The following GBP6 variants were observed in gnomAD, a reference collection of about 807,000 sequenced individuals.
The protein encoded by GBP6 is guanylate binding protein family member 6, also known as guanylate-binding protein 6.
A neutral mutation model predicts 61.5 loss-of-function variants in GBP6; 54 were observed. The ratio of observed to expected loss-of-function variants is 0.88; its 90% confidence interval spans 0.71 to 1.10. GBP6 has a LOEUF of 1.10. Ranked by LOEUF, GBP6 falls within the 50% of genes least tolerant of loss-of-function variation. GBP6 has a pLI of 0.00. For synonymous variants in GBP6, 255 were observed against 273.7 expected, an observed-to-expected ratio of 0.93 and a Z score of 0.67; for missense variants, 748 against 752.8, an observed-to-expected ratio of 0.99 and a Z score of 0.07.
Position 89,380,453 on chromosome 1 carries a change from GA to G in GBP6, c.695del (p.Lys232SerfsTer15). On this transcript the variant is annotated frameshift_variant, in exon 6 of 11. Transcript: ENST00000370456. LOFTEE classifies it high-confidence loss of function. ...ECIRRFFPKR[K>X]CFVFDRPTND... ...GCATCAGGCGTTTCTTTCCAAAACG[GA>G]AGTGTTTCGTCTTTGACCGGCCAAC... 1 of 1,614,002 alleles carries G rather than the reference GA, an allele frequency of 6.2e-7. No homozygotes were observed. Among genetic ancestry groups the G allele is most frequent in the Non-Finnish European group, 8.5e-7 (1 of 1,179,954 alleles).
At chr1:89,368,015 A>G (rs1179344769) in intron 1 of GBP6, among the ~76,000 whole-genome samples, 1 of 152,182 alleles carries the variant, frequency 6.6e-6, no homozygotes, top group Non-Finnish European at 1.5e-5. Flanking sequence ...GAGCTCCTAT[A>G]AGATCATTTT....
chr1:89,385,149 C>G, intron 10 of GBP6, 81 bp from the exon 11 acceptor site: 1 of 1,295,212 alleles, frequency 7.7e-7, no homozygotes, highest in South Asian at 1.5e-5. Context: ...TAAAGTTTCA[C>G]ACAGGTTTTA....
At chr1:89,370,998 G>A (rs11576337) in intron 3 of GBP6, among the ~76,000 whole-genome samples, 5,317 of 151,972 alleles carry the variant, frequency 0.035, 135 homozygotes, top group Middle Eastern at 0.099. Flanking sequence ...TTCATTTCTC[G>A]CATCCCCAGC....
intron 3 of GBP6, among the ~76,000 whole-genome samples, chr1:89,372,469 T>C (rs1476285211): frequency 1.3e-5 from 2 of 152,062 alleles, no homozygotes; most frequent in African/African-American, 2.4e-5. Context: ...AACAGAGATA[T>C]AGATCAATGG....
chr1:89,369,365 C>T (rs563232743), intron 2 of GBP6, among the ~76,000 whole-genome samples, 181 bp from the exon 3 acceptor site: 3 of 152,326 alleles, frequency 2.0e-5, no homozygotes, highest in South Asian at 2.1e-4. Context: ...ATCATTCTCA[C>T]ATTTAATGTC....
chr1:89,385,536 A>G lies in GBP6; in HGVS notation c.*67A>G, dbSNP rs1408272573. 3.1e-5 allele frequency: 43 copies of G among 1,395,192 alleles called. No homozygotes were observed. The highest frequency in any genetic ancestry group is 3.5e-5 in the Non-Finnish European group (37 of 1,057,792). 86.4% of individuals were successfully genotyped at this position (1,395,192 alleles called of 1,614,324 possible). Reference sequence around the variant, plus strand: ...ATCTGTATGTTTTTCATTTTCATTCAGCAAGTTTTTTTTTTTTTTCAGAGT... The same window carrying G: ...ATCTGTATGTTTTTCATTTTCATTCGGCAAGTTTTTTTTTTTTTTCAGAGT... On this transcript the variant is annotated 3_prime_UTR_variant, in exon 11 of 11. Coordinates refer to ENST00000370456, the MANE Select transcript of GBP6 (RefSeq NM_198460.3).
At chr1:89,365,945 TC>T (rs1266135011) in intron 1 of GBP6, among the ~76,000 whole-genome samples, 1 of 152,218 alleles carries the variant, frequency 6.6e-6, no homozygotes, top group African/African-American at 2.4e-5. Context: ...TTTACATTTT[TC>T]TAATTATAAG....
At chr1:89,380,891 A>G (rs770139277) in intron 6 of GBP6, among the ~76,000 whole-genome samples, 10 of 152,364 alleles carry the variant, frequency 6.6e-5, no homozygotes, top group Non-Finnish European at 1.2e-4. Flanking sequence ...CTAACTGAAT[A>G]TAAAAACATC....
chr1:89,369,819 G>A (rs1466569766), intron 3 of GBP6, 146 bp downstream of exon 3: 1 of 902,198 alleles, frequency 1.1e-6, no homozygotes, highest in Non-Finnish European at 1.6e-6. Flanking sequence ...TTCTAGACAA[G>A]GTTAGATATC....
chr1:89,374,330 C>A (rs1420791766), intron 3 of GBP6, among the ~76,000 whole-genome samples: 1 of 152,046 alleles, frequency 6.6e-6, no homozygotes, highest in East Asian at 1.9e-4. Context: ...GTGAATAATG[C>A]TGCAATTATT....
At chr1:89,371,742 G>A (rs1652649906) in intron 3 of GBP6, among the ~76,000 whole-genome samples, 1 of 152,172 alleles carries the variant, frequency 6.6e-6, no homozygotes, top group African/African-American at 2.4e-5. Flanking sequence ...CATTCCCTTT[G>A]AAAACTGGCA....
chr1:89,384,238 A>G lies in GBP6; in HGVS notation c.1614A>G (p.Arg538=). 7 of 1,614,060 alleles carry G rather than the reference A, an allele frequency of 4.3e-6. No individual in the cohort carries two copies. Among genetic ancestry groups the G allele is most frequent in the Non-Finnish European group, 5.9e-6 (7 of 1,179,990 alleles). ...TGAAGGAGAAGCTGCAGATGGAGAGAGAACACCTACTGAGAGAGCAGATTA... is the reference window on the plus strand; with the variant it reads ...TGAAGGAGAAGCTGCAGATGGAGAGGGAACACCTACTGAGAGAGCAGATTA... The part of the protein sequence containing the change: ...AQLKEKLQME[R]EHLLREQIMM... The change falls in exon 10 of 11, where the codon AGA becomes AGG. Residue 538 remains arginine (R), a synonymous_variant. Coordinates refer to ENST00000370456, the MANE Select transcript of GBP6 (RefSeq NM_198460.3).
intron 3 of GBP6, among the ~76,000 whole-genome samples, chr1:89,373,566 C>CA (rs1215653646): frequency 6.6e-6 from 1 of 152,006 alleles, no homozygotes; most frequent in Non-Finnish European, 1.5e-5. Flanking sequence ...ATCACAAGGA[C>CA]AAAAAACCAA....
Position 89,381,689 on chromosome 1 carries a change from T to C in GBP6, c.872-5T>C. On this transcript the variant is annotated splice_region_variant and splice_polypyrimidine_tract_variant and intron_variant, in intron 6 of 10. Transcript: ENST00000370456. The stretch of plus-strand genomic sequence containing the variant: ...TTTAGCCCCTAAATCTCCTGGTTCA[T>C]TTAGGTCTGGGAACTCTGGCAGTGA... 1 of 1,591,354 alleles carries C rather than the reference T, an allele frequency of 6.3e-7. No homozygotes were observed. The highest frequency in any genetic ancestry group is 8.6e-7 in the Non-Finnish European group (1 of 1,165,662).
chr1:89,385,399 C>A lies in GBP6; in HGVS notation c.1832C>A (p.Pro611His). The change falls in exon 11 of 11, where the codon CCT becomes CAT. Residue 611 changes from proline (P) to histidine (H), a missense_variant. Coordinates refer to ENST00000370456, the MANE Select transcript of GBP6 (RefSeq NM_198460.3). ...GAGCTAACTGCAATATTGTCTGCTC[C>A]TGCTAAATTAATTGGTCATGGTGTC... ...ADELTAILSA[P>H]AKLIGHGVKG... 6.2e-7 allele frequency: 1 copy of A among 1,614,144 alleles called. No homozygotes were observed. The highest frequency in any genetic ancestry group is 8.5e-7 in the Non-Finnish European group (1 of 1,179,986).
Position 89,381,829 on chromosome 1 carries a change from A to T in GBP6, c.1007A>T (p.Gln336Leu), listed in dbSNP as rs1374698693. ...AVQRAADYYS[Q>L]QMAQRVKLPT... ...CAGAGGGCAGCTGACTACTACAGCCAGCAGATGGCCCAGCGAGTGAAGCTC... is the reference window on the plus strand; with the variant it reads ...CAGAGGGCAGCTGACTACTACAGCCTGCAGATGGCCCAGCGAGTGAAGCTC... Residue 336 changes from glutamine (Q) to leucine (L), a missense_variant, in exon 7 of 11, where the codon CAG (glutamine) becomes CTG (leucine). Physicochemically the swap from Gln to Leu is moderately radical, Grantham distance 113. Coordinates refer to ENST00000370456, the MANE Select transcript of GBP6 (RefSeq NM_198460.3). 6.2e-7 allele frequency: 1 copy of T among 1,614,132 alleles called. No individual in the cohort carries two copies. The highest frequency in any genetic ancestry group is 8.5e-7 in the Non-Finnish European group (1 of 1,179,984).
chr1:89,375,534 T>A lies in GBP6; in HGVS notation c.319-2569T>A, dbSNP rs554032826. 2.0e-5 allele frequency among the ~76,000 whole-genome samples: 3 copies of A among 152,252 alleles called. No individual in the cohort carries two copies. In the South Asian group the frequency reaches 6.2e-4, roughly 32 times the overall value. ...ATACACCCAAAGGAACGCAAATCATTCTATTATAAAGACACATGCATGCAT... is the reference window on the plus strand; with the variant it reads ...ATACACCCAAAGGAACGCAAATCATACTATTATAAAGACACATGCATGCAT... On this transcript the variant is annotated intron_variant, in intron 3 of 10. Coordinates refer to ENST00000370456, the MANE Select transcript of GBP6 (RefSeq NM_198460.3).
intron 6 of GBP6, 79 bp from the exon 7 acceptor site, chr1:89,381,615 T>C: frequency 7.0e-7 from 1 of 1,435,154 alleles, no homozygotes; most frequent in Non-Finnish European, 9.5e-7. Context: ...TAAGTGCATG[T>C]GTGTGCTCAG....
chr1:89,384,263 A>G lies in GBP6; in HGVS notation c.1639A>G (p.Met547Val), dbSNP rs758834885. ...AGAACACCTACTGAGAGAGCAGATT[A>G]TGATGTTGGAGCACACGCAGAAGGT... Reference protein sequence around the residue: ...EREHLLREQIMMLEHTQKVQN... With the variant: ...EREHLLREQIVMLEHTQKVQN... The change falls in exon 10 of 11, where the codon ATG (methionine) becomes GTG (valine). Residue 547 changes from methionine to valine, a missense_variant. Met to Val is a conservative substitution (Grantham distance 21). Coordinates refer to ENST00000370456, the MANE Select transcript of GBP6 (RefSeq NM_198460.3). The G allele has an allele frequency of 6.2e-7, 1 of 1,613,312 alleles. No homozygotes were observed. The highest frequency in any genetic ancestry group is 1.1e-5 in the South Asian group (1 of 90,944).
Sources: gnomAD v4.1 joint callset for allele counts (sites outside exome capture counted in the v4.1 genomes callset) on GRCh38, gnomAD v4.1.1 for gene constraint, MANE v1.5 for transcripts, NCBI Gene and HGNC (gene_info 2026-07-23, HGNC 2026-07-21) for gene names.